The following ESCO1 variants were observed in gnomAD, a reference collection of about 807,000 sequenced individuals.
The protein encoded by ESCO1 is N-acetyltransferase ESCO1.
A neutral mutation model predicts 83.5 loss-of-function variants in ESCO1; 33 were observed. That is an observed-to-expected ratio of 0.40 (90% confidence interval 0.30 to 0.53). The LOEUF (loss-of-function observed/expected upper bound fraction) is 0.53, where lower values mean the gene tolerates loss of function less well. Ranked by LOEUF, ESCO1 falls within the 20% of genes least tolerant of loss-of-function variation. The probability of loss-of-function intolerance (pLI) is 0.63; values close to 1 mark genes in which losing one functional copy is unlikely to be tolerated. For synonymous variants in ESCO1, 332 were observed against 324.3 expected (o/e 1.02, Z -0.25); for missense variants, 855 against 968.0 (o/e 0.88, Z 1.55).
At chr18:21,555,099 C>T (rs978173951) in intron 8 of ESCO1, among the ~76,000 whole-genome samples, 1 of 151,690 alleles carries the variant, frequency 6.6e-6, no homozygotes, top group African/African-American at 2.4e-5. Flanking sequence ...TCGTCTCAAA[C>T]TAACTAACTA....
chr18:21,585,699 C>T (rs1169678904), intron 1 of ESCO1, among the ~76,000 whole-genome samples: 1 of 152,086 alleles, frequency 6.6e-6, no homozygotes, highest in Non-Finnish European at 1.5e-5. Context: ...CCCAAGTGAT[C>T]ATCCCATCTC....
At chr18:21,564,348 A>G in intron 6 of ESCO1, 31 bp from the exon 7 acceptor site, 1 of 1,382,156 alleles carries the variant, frequency 7.2e-7, no homozygotes, top group Non-Finnish European at 1.0e-6. Context: ...TAAATGTTAC[A>G]GATCCAAGTC....
intron 8 of ESCO1, among the ~76,000 whole-genome samples, chr18:21,543,313 C>T (rs1201945888): frequency 1.3e-5 from 2 of 152,144 alleles, no homozygotes; most frequent in African/African-American, 4.8e-5. Context: ...TGCCACCACG[C>T]CGAGCTGATT....
intron 2 of ESCO1, among the ~76,000 whole-genome samples, chr18:21,579,358 A>C (rs2038461735): frequency 1.3e-5 from 2 of 151,694 alleles, no homozygotes; most frequent in African/African-American, 4.8e-5. Context: ...GCTACTCGGG[A>C]GGCTGAGGCA....
chr18:21,590,187 T>A (rs1322770398), intron 1 of ESCO1, among the ~76,000 whole-genome samples: 1 of 151,446 alleles, frequency 6.6e-6, no homozygotes, highest in Non-Finnish European at 1.5e-5. Flanking sequence ...ATACTGCTGA[T>A]CACTTCCTTT....
At chr18:21,554,486 G>A (rs1385456573) in intron 8 of ESCO1, among the ~76,000 whole-genome samples, 1 of 152,196 alleles carries the variant, frequency 6.6e-6, no homozygotes, top group East Asian at 1.9e-4. Context: ...AGACATGGGA[G>A]CCCAGCTCAG....
At chr18:21,552,489 C>G (rs1339543889) in intron 8 of ESCO1, among the ~76,000 whole-genome samples, 4 of 152,204 alleles carry the variant, frequency 2.6e-5, no homozygotes, top group African/African-American at 9.6e-5. Flanking sequence ...AAGGACAAAT[C>G]TGCTTCCCTT....
At chr18:21,597,971 C>A (rs1429058620) in intron 1 of ESCO1, among the ~76,000 whole-genome samples, 5 of 152,064 alleles carry the variant, frequency 3.3e-5, no homozygotes, top group Non-Finnish European at 7.4e-5. Flanking sequence ...AGAACTTATA[C>A]AGGAAAAACA....
At chr18:21,595,408 G>A (rs954588012) in intron 1 of ESCO1, among the ~76,000 whole-genome samples, 12 of 145,870 alleles carry the variant, frequency 8.2e-5, no homozygotes, top group South Asian at 4.5e-4. Flanking sequence ...TGTGGTTCAC[G>A]CCTGTAATCC....
chr18:21,538,287 T>TAAA (rs34369531), intron 9 of ESCO1, among the ~76,000 whole-genome samples: 4 of 124,720 alleles, frequency 3.2e-5, no homozygotes, highest in Non-Finnish European at 5.1e-5. Context: ...CCCTGTCTCT[T>TAAA]AAAAAAAAAA....
At position 21,573,606 on chromosome 18, in the gene ESCO1, G is replaced by A. The variant is rs1325536009; in HGVS notation, c.1238C>T (p.Pro413Leu). The change falls in exon 4 of 12, where the codon CCT becomes CTT. Residue 413 changes from proline to leucine, a missense_variant. Coordinates refer to ENST00000269214, the MANE Select transcript of ESCO1 (RefSeq NM_052911.3). ...ACTGGTTCGTAATAAGCCTAATTTA[G>A]GGGAAACTTGAGAGTCCAACTTATT... is the stretch of plus-strand genomic sequence containing the variant. ...QHNKLDSQVS[P>L]KLGLLRTSFS... The A allele has an allele frequency of 2.5e-6, 4 of 1,613,962 alleles. No homozygotes were observed. The African/African-American group carries it at 5.3e-5, about 22-fold the overall frequency.
At chr18:21,599,954 C>A (rs2038818598) in intron 1 of ESCO1, among the ~76,000 whole-genome samples, 1 of 152,212 alleles carries the variant, frequency 6.6e-6, no homozygotes, top group Non-Finnish European at 1.5e-5. Flanking sequence ...AACTTCACTG[C>A]GGCCCTCAAT....
At chr18:21,583,694 G>A (rs572564286) in intron 2 of ESCO1, among the ~76,000 whole-genome samples, 1 of 152,152 alleles carries the variant, frequency 6.6e-6, no homozygotes, top group African/African-American at 2.4e-5. Flanking sequence ...AATCTACAGT[G>A]ACAAAAAGCA....
chr18:21,572,110 T>C (rs2038349274), intron 4 of ESCO1, among the ~76,000 whole-genome samples: 1 of 152,212 alleles, frequency 6.6e-6, no homozygotes, highest in African/African-American at 2.4e-5. Context: ...CTTTTTTTGC[T>C]CAAATGATTT....
chr18:21,578,444 G>T (rs956398546), intron 2 of ESCO1, among the ~76,000 whole-genome samples: 2 of 152,050 alleles, frequency 1.3e-5, no homozygotes, highest in African/African-American at 2.4e-5. Context: ...GACGAGCCAT[G>T]AGGTCCAACT....
intron 1 of ESCO1, among the ~76,000 whole-genome samples, chr18:21,587,674 T>TAAAAGTA (rs2038600930): frequency 6.6e-6 from 1 of 152,132 alleles, no homozygotes; most frequent in Non-Finnish European, 1.5e-5. Context: ...TAGTAGCTCA[T>TAAAAGTA]GCCTATTAAC....
intron 8 of ESCO1, among the ~76,000 whole-genome samples, chr18:21,545,003 G>T (rs1000550390): frequency 9.2e-5 from 14 of 152,348 alleles, no homozygotes; most frequent in Non-Finnish European, 1.6e-4. Context: ...GATCACAAAG[G>T]AGTTTTGGAG....
At chr18:21,549,080 A>G (rs1314481749) in intron 8 of ESCO1, among the ~76,000 whole-genome samples, 1 of 152,220 alleles carries the variant, frequency 6.6e-6, no homozygotes, top group African/African-American at 2.4e-5. Flanking sequence ...TTTCCATAAG[A>G]TAGGGTCCTA....
At chr18:21,575,911 A>G (rs1178656422) in intron 2 of ESCO1, 134 bp from the exon 3 acceptor site, 2 of 391,324 alleles carry the variant, frequency 5.1e-6, no homozygotes, top group Non-Finnish European at 9.0e-6. Context: ...CTCAAAGCTC[A>G]TATTACACGT....
Sources: allele counts gnomAD v4.1 joint callset (sites outside exome capture counted in the v4.1 genomes callset), GRCh38; gene constraint gnomAD v4.1.1; transcripts MANE v1.5; gene names NCBI Gene and HGNC (gene_info 2026-07-23, HGNC 2026-07-21).